The following NPY1R variants were observed in gnomAD, a reference collection of about 807,000 sequenced individuals.
NPY1R encodes neuropeptide Y receptor type 1.
In NPY1R, 10 loss-of-function variants were observed where a neutral mutation model predicts 24.1. That is an observed-to-expected ratio of 0.42 (90% CI 0.26 to 0.71). The LOEUF is 0.71. Ranked by LOEUF, NPY1R falls within the 30% of genes least tolerant of loss-of-function variation. The pLI, the probability that NPY1R is intolerant of heterozygous loss-of-function variation, is 0.28. For missense variants in NPY1R, 350 were observed against 458.0 expected (o/e 0.76, Z 2.15); for synonymous variants, 168 against 165.9 (o/e 1.01, Z -0.10).
intron 1 of NPY1R, chr4:163,331,036 T>C (rs554157736): frequency 6.6e-6 from 1 of 152,318 alleles, no homozygotes; most frequent in East Asian, 1.9e-4. Context: ...TAAAGACTAA[T>C]AAAGTAGTAG....
At chr4:163,339,191 T>C (rs1318696203) in intron 1 of NPY1R, among the ~76,000 whole-genome samples, 4 of 152,170 alleles carry the variant, frequency 2.6e-5, no homozygotes, top group Admixed American at 1.3e-4. Context: ...TACGAAACCA[T>C]TTACATGATT....
chr4:163,333,918 A>G (rs1463366885), upstream of NPY1R, among the ~76,000 whole-genome samples: 1 of 152,186 alleles, frequency 6.6e-6, no homozygotes, highest in East Asian at 1.9e-4. Flanking sequence ...TTAGTGTATA[A>G]CAACAGATAT....
At chr4:163,339,188 C>G (rs1734917834) in intron 1 of NPY1R, among the ~76,000 whole-genome samples, 1 of 152,276 alleles carries the variant, frequency 6.6e-6, no homozygotes, top group South Asian at 2.1e-4. Flanking sequence ...TCATACGAAA[C>G]CATTTACATG....
At position 163,324,168 on chromosome 4, in the gene NPY1R, C is replaced by T. The variant is rs1268564956; in HGVS notation, c.*1135G>A. ...TGACACAACTATTCAGTAATCTTTACAGTGCATTATTTATAAGACGCCACA... is the reference window on the plus strand; with the variant it reads ...TGACACAACTATTCAGTAATCTTTATAGTGCATTATTTATAAGACGCCACA... On this transcript the variant is annotated 3_prime_UTR_variant, in exon 3 of 3. Transcript: ENST00000296533. 6.6e-6 allele frequency: 1 copy of T among 152,584 alleles called. No individual in the cohort carries two copies. Among genetic ancestry groups the T allele is most frequent in the Non-Finnish European group, 1.5e-5 (1 of 68,030 alleles). The allele number at this position is 152,584 out of a possible 1,614,324, so 9.5% of individuals were successfully genotyped here.
rs1306804214 is a variant in NPY1R at position 163,324,546 on chromosome 4, T to C, written c.*757A>G. 1 of 152,130 alleles carries C rather than the reference T, an allele frequency of 6.6e-6. No individual in the cohort carries two copies. The highest frequency in any genetic ancestry group is 2.4e-5 in the African/African-American group (1 of 41,434). 9.4% of individuals were successfully genotyped at this position (152,130 alleles called of 1,614,324 possible). On this transcript the variant is annotated 3_prime_UTR_variant, in exon 3 of 3. Coordinates refer to ENST00000296533, the MANE Select transcript of NPY1R (RefSeq NM_000909.6). ...GCAATACTAATTTACTTTATTAAAT[T>C]AATTACTCTAAAATGCTCTTGTTGT...
chr4:163,325,272 T>C lies in NPY1R; in HGVS notation c.*31A>G, dbSNP rs752872192. ...CAGGTTGTGCTTGTTTTTAAACAGA[T>C]GTCATCCGGGACCATAGGCTATAAG... On this transcript the variant is annotated 3_prime_UTR_variant, in exon 3 of 3. Coordinates refer to ENST00000296533, the MANE Select transcript of NPY1R (RefSeq NM_000909.6). 6 of 1,482,082 alleles carry C rather than the reference T, an allele frequency of 4.0e-6. No individual in the cohort carries two copies. In the African/African-American group the frequency reaches 5.6e-5, roughly 14 times the overall value. The allele number at this position is 1,482,082 out of a possible 1,614,324, so 91.8% of individuals were successfully genotyped here.
At chr4:163,338,053 C>G (rs1464076529) in intron 1 of NPY1R, among the ~76,000 whole-genome samples, 1 of 152,214 alleles carries the variant, frequency 6.6e-6, no homozygotes, top group African/African-American at 2.4e-5. Context: ...TTCACCAACT[C>G]CACACTTCAG....
chr4:163,339,172 C>T (rs986433299), intron 1 of NPY1R, among the ~76,000 whole-genome samples: 5 of 152,172 alleles, frequency 3.3e-5, no homozygotes, highest in Admixed American at 6.5e-5. Flanking sequence ...ACCCTATACA[C>T]TGCAGTCATA....
intron 1 of NPY1R, among the ~76,000 whole-genome samples, chr4:163,331,878 CGA>C (rs1734736825): frequency 6.6e-6 from 1 of 152,220 alleles, no homozygotes; most frequent in Non-Finnish European, 1.5e-5. Context: ...GAGCGCGGCT[CGA>C]TTGCAGCCGA....
rs1300860612 is a variant in NPY1R, at chr4:163,343,196, G to A, written c.-152+1109C>T. ...CCGTCTTTTTTTTTTTTTAACCTGT[G>A]ACAATTCGTTTTTAGCCCTTCGTCT... On this transcript the variant is annotated intron_variant, in intron 1 of 1. Transcript: ENST00000511901. Among the ~76,000 whole-genome samples, 7 of 146,644 alleles carry A rather than the reference G, an allele frequency of 4.8e-5. No homozygotes were observed. The East Asian group carries it at 1.4e-3, about 29-fold the overall frequency.
At chr4:163,339,084 T>C (rs1157619316) in intron 1 of NPY1R, among the ~76,000 whole-genome samples, 1 of 152,224 alleles carries the variant, frequency 6.6e-6, no homozygotes, top group African/African-American at 2.4e-5. Context: ...TTAAATCTTT[T>C]AGCTGCTTTC....
Position 163,325,836 on chromosome 4 carries a change from T to C in NPY1R, c.699+20A>G, listed in dbSNP as rs372804346. The C allele has an allele frequency of 8.1e-6, 13 of 1,598,994 alleles. No homozygotes were observed. The highest frequency in any genetic ancestry group is 5.6e-5 in the South Asian group (5 of 89,640). ...GTAAAGAAGGTAAAAATGGAAATGA[T>C]AGAAAAAAAGTTTTCTTACCTTGAA... On this transcript the variant is annotated intron_variant, in intron 2 of 2. Transcript: ENST00000296533.
chr4:163,335,327 T>G (rs1734817767), upstream of NPY1R, among the ~76,000 whole-genome samples: 1 of 152,218 alleles, frequency 6.6e-6, no homozygotes, highest in Non-Finnish European at 1.5e-5. Flanking sequence ...AACTGAGGGA[T>G]AGGATCTACT....
upstream of NPY1R, among the ~76,000 whole-genome samples, chr4:163,333,775 G>A (rs1003222726): frequency 6.6e-6 from 1 of 152,154 alleles, no homozygotes; most frequent in Non-Finnish European, 1.5e-5. Flanking sequence ...TATATAGATA[G>A]TGATGAACAC....
At chr4:163,334,056 C>A (rs1734788732), upstream of NPY1R, among the ~76,000 whole-genome samples, 1 of 151,606 alleles carries the variant, frequency 6.6e-6, no homozygotes, top group Non-Finnish European at 1.5e-5. Context: ...TTTACCAAGG[C>A]ACAATTTAGG....
Position 163,325,997 on chromosome 4 carries a change from A to C in NPY1R, c.558T>G (p.Asn186Lys). ...YQVMTDEPFQNVTLDAYKDKY... is the reference protein window; with the variant it reads ...YQVMTDEPFQKVTLDAYKDKY... The stretch of plus-strand genomic sequence containing the variant: ...TGTCTTTGTACGCATCAAGTGTTAC[A>C]TTTTGGAACGGCTCATCAGTCATTA... The change falls in exon 2 of 3, where the codon AAT becomes AAG. Residue 186 changes from asparagine (N) to lysine (K), a missense_variant. Asn to Lys is a moderately conservative substitution (Grantham distance 94). Transcript: ENST00000296533. 6.2e-7 allele frequency: 1 copy of C among 1,614,132 alleles called. No homozygotes were observed. The highest frequency in any genetic ancestry group is 8.5e-7 in the Non-Finnish European group (1 of 1,179,990).
Position 163,326,686 on chromosome 4 carries a change from A to T in NPY1R, c.-132T>A. The T allele has an allele frequency of 3.2e-6, 2 of 624,204 alleles. No homozygotes were observed. The highest frequency in any genetic ancestry group is 3.1e-5 in the Admixed American group (1 of 32,444). The allele number at this position is 624,204 out of a possible 1,614,324, so 38.7% of individuals were successfully genotyped here. On this transcript the variant is annotated 5_prime_UTR_variant, in exon 2 of 3. An upstream start codon of the reference 5' UTR is lost. Transcript: ENST00000296533. Reference sequence around the variant, plus strand: ...TTACCAAAATTATTCTGAATTCTTCATTCCCTTGAACTGAACAATCTGTAA... The same window carrying T: ...TTACCAAAATTATTCTGAATTCTTCTTTCCCTTGAACTGAACAATCTGTAA...
At position 163,325,573 on chromosome 4, in the gene NPY1R, G is replaced by C; in HGVS notation, c.885C>G (p.Thr295=). ...GCAGGAATAACAGATTGTGGTTGCA[G>C]GTAGCAATGATCTGATGATTCCAAT... ...VFDWNHQIIA[T]CNHNLLFLLC... is the part of the protein sequence containing the mutation. The change falls in exon 3 of 3, where the codon ACC becomes ACG. Residue 295 remains threonine, a synonymous_variant. Coordinates refer to ENST00000296533, the MANE Select transcript of NPY1R (RefSeq NM_000909.6). 13 of 1,614,016 alleles carry C rather than the reference G, an allele frequency of 8.1e-6. No individual in the cohort carries two copies. Among genetic ancestry groups the C allele is most frequent in the Non-Finnish European group, 1.1e-5 (13 of 1,179,972 alleles).
Position 163,325,511 on chromosome 4 carries a change from T to C in NPY1R, c.947A>G (p.Asn316Ser). Residue 316 changes from asparagine to serine, a missense_variant, in exon 3 of 3, where the codon AAC becomes AGC. Coordinates refer to ENST00000296533, the MANE Select transcript of NPY1R (RefSeq NM_000909.6). ...GTTCAGGAACCCATAAAATATGGGG[T>C]TGACACAAGTGGATATCATTGCTGT... ...HLTAMISTCV[N>S]PIFYGFLNKN... 1.2e-6 allele frequency: 2 copies of C among 1,614,048 alleles called. No homozygotes were observed. The highest frequency in any genetic ancestry group is 8.5e-7 in the Non-Finnish European group (1 of 1,179,962).
Sources: allele counts gnomAD v4.1 joint callset (sites outside exome capture counted in the v4.1 genomes callset), GRCh38; gene constraint gnomAD v4.1.1; transcripts MANE v1.5; gene names NCBI Gene and HGNC (gene_info 2026-07-23, HGNC 2026-07-21).